Variants in HMGN2 observed in about 807,000 individuals in gnomAD.
The protein encoded by HMGN2 is high mobility group nucleosomal binding domain 2.
In HMGN2, 2 loss-of-function variants were observed where a neutral mutation model predicts 16.9. The ratio of observed to expected loss-of-function variants is 0.12; its 90% confidence interval spans 0.05 to 0.37. The LOEUF (loss-of-function observed/expected upper bound fraction) is 0.37, where lower values mean the gene tolerates loss of function less well. HMGN2 is among the 10% of genes least tolerant of loss of function. HMGN2 has a pLI of 1.00. For missense variants in HMGN2, 90 were observed against 106.0 expected (o/e 0.85, Z 0.66); for synonymous variants, 31 against 34.9 (o/e 0.89, Z 0.39).
At chr1:26,472,744 GC>G (rs2075579392) in intron 1 of HMGN2, 117 bp downstream of exon 1, 1 of 924,122 alleles carries the variant, frequency 1.1e-6, no homozygotes, top group Non-Finnish European at 1.6e-6. Flanking sequence ...GCCTCCCCGC[GC>G]GGGGGCTGGA....
At chr1:26,474,165 T>C in intron 4 of HMGN2, 30 bp downstream of exon 4, 2 of 1,543,124 alleles carry the variant, frequency 1.3e-6, no homozygotes, top group Non-Finnish European at 8.9e-7. Context: ...CTGATCATTT[T>C]CACAGAATGA....
intron 1 of HMGN2, chr1:26,473,259 C>T: frequency 1.8e-6 from 1 of 564,726 alleles, no homozygotes; most frequent in South Asian, 2.2e-5. Flanking sequence ...GCGGGCTCCG[C>T]TGCCCTCCCC....
intron 3 of HMGN2, 92 bp downstream of exon 3, chr1:26,473,824 G>C (rs113532604): frequency 6.8e-6 from 9 of 1,322,812 alleles, no homozygotes; most frequent in African/African-American, 4.4e-5. Context: ...TATGGTTAGT[G>C]CCTGGTTTTG....
In HMGN2 at chr1:26,473,468, T is replaced by A. The variant is rs2075589243; in HGVS notation, c.16-15T>A. 5.0e-6 allele frequency: 8 copies of A among 1,606,410 alleles called. No individual in the cohort carries two copies. The highest frequency in any genetic ancestry group is 6.8e-6 in the Non-Finnish European group (8 of 1,173,334). Reference sequence around the variant, plus strand: ...CACCTCAAAATCTGCAGTTTTTTGTTCTTGTTTCTTATAGGCTGAAGGGGA... The same window carrying A: ...CACCTCAAAATCTGCAGTTTTTTGTACTTGTTTCTTATAGGCTGAAGGGGA... On this transcript the variant is annotated splice_polypyrimidine_tract_variant and intron_variant, in intron 1 of 5. Coordinates refer to ENST00000361427, the MANE Select transcript of HMGN2 (RefSeq NM_005517.4).
rs1397766083 is a variant in HMGN2, at chr1:26,475,751, T to C, written c.*603T>C. 1 of 333,354 alleles carries C rather than the reference T, an allele frequency of 3.0e-6. No homozygotes were observed. The highest frequency in any genetic ancestry group is 5.9e-6 in the Non-Finnish European group (1 of 170,018). 20.6% of individuals were successfully genotyped at this position (333,354 alleles called of 1,614,324 possible). The stretch of plus-strand genomic sequence containing the variant: ...AAAAGTTGTTAAACAACATGCTAAA[T>C]GTGAAATGTCAACCCTCACTCTAAA... On this transcript the variant is annotated 3_prime_UTR_variant, in exon 6 of 6. Transcript: ENST00000361427.
rs1030264337 is a variant in HMGN2 at position 26,473,826 on chromosome 1, C to T, written c.90+94C>T. The T allele has an allele frequency of 3.0e-6, 4 of 1,314,888 alleles. No homozygotes were observed. The African/African-American group carries it at 4.4e-5, about 14-fold the overall frequency. The allele number at this position is 1,314,888 out of a possible 1,614,324, so 81.5% of individuals were successfully genotyped here. On this transcript the variant is annotated intron_variant, in intron 3 of 5. Transcript: ENST00000361427. ...TGCTTCCATGAATTATGGTTAGTGC[C>T]TGGTTTTGAATCATTGCCTCTACTT...
intron 5 of HMGN2, 85 bp downstream of exon 5, chr1:26,474,752 C>A: frequency 1.4e-6 from 1 of 725,196 alleles, no homozygotes; most frequent in Non-Finnish European, 2.5e-6. Context: ...TTTCTTGTAT[C>A]ACTCCAAATG....
chr1:26,474,100 A>C lies in HMGN2; in HGVS notation c.106A>C (p.Lys36Gln), dbSNP rs759413790. 1.9e-6 allele frequency: 3 copies of C among 1,611,428 alleles called. No individual in the cohort carries two copies. The highest frequency in any genetic ancestry group is 1.3e-5 in the African/African-American group (1 of 74,534). The change falls in exon 4 of 6, where the codon AAG (lysine) becomes CAG (glutamine). Residue 36 changes from lysine (K) to glutamine (Q), a missense_variant. Transcript: ENST00000361427. ...ARLSAKPAPP[K>Q]PEPKPKKAPA... ...CCAAAAAAAGAAACCTGCTCCTCCA[A>C]AGCCAGAGCCCAAGCCTAAAAAGGC...
Position 26,475,995 on chromosome 1 carries a change from C to T in HMGN2, c.*847C>T, listed in dbSNP as rs1197858645. 3.4e-6 allele frequency: 1 copy of T among 297,526 alleles called. No individual in the cohort carries two copies. Among genetic ancestry groups the T allele is most frequent in the Non-Finnish European group, 6.5e-6 (1 of 153,002 alleles). The allele number at this position is 297,526 out of a possible 1,614,324, so 18.4% of individuals were successfully genotyped here. ...GAATGCTGCCTCTGATCTTTTCCCACAAGTGGGGTAACCTGGTTTATCCAA... is the reference window on the plus strand; with the variant it reads ...GAATGCTGCCTCTGATCTTTTCCCATAAGTGGGGTAACCTGGTTTATCCAA... On this transcript the variant is annotated 3_prime_UTR_variant, in exon 6 of 6. Transcript: ENST00000361427.
chr1:26,472,777 G>C (rs2075579606), intron 1 of HMGN2, 150 bp downstream of exon 1: 1 of 692,852 alleles, frequency 1.4e-6, no homozygotes, highest in Non-Finnish European at 2.2e-6. Context: ...GCAGCTCGGG[G>C]CTAACCCTGA....
At chr1:26,474,547 A>C (rs2075595710) in intron 4 of HMGN2, 25 bp from the exon 5 acceptor site, 1 of 1,085,732 alleles carries the variant, frequency 9.2e-7, no homozygotes, top group African/African-American at 1.5e-5. Flanking sequence ...GGGGAGAAAC[A>C]GTTCTATTTT....
At position 26,473,524 on chromosome 1, in the gene HMGN2, C is replaced by T. The variant is rs763456866; in HGVS notation, c.57C>T (p.Asp19=). Residue 19 remains aspartate, a synonymous_variant, in exon 2 of 6, where the codon GAC becomes GAT. Transcript: ENST00000361427. ...AGGGAGATAAAGCAAAGGTGAAGGA[C>T]GAAGTAAGTCATTCTCTCTTCAAGG... ...DAKGDKAKVK[D]EPQRRSARLS... is the part of the protein sequence containing the mutation. 3.7e-6 allele frequency: 6 copies of T among 1,611,522 alleles called. No individual in the cohort carries two copies. In the Admixed American group the frequency reaches 5.0e-5, roughly 13 times the overall value.
chr1:26,474,063 C>T (rs776699732), intron 3 of HMGN2, 22 bp from the exon 4 acceptor site: 28 of 1,601,700 alleles, frequency 1.7e-5, no homozygotes, highest in African/African-American at 9.5e-5. Flanking sequence ...TTCACTTTTT[C>T]CTCTCTTCCT....
At position 26,472,473 on chromosome 1, in the gene HMGN2, C is replaced by T; in HGVS notation, c.-140C>T. On this transcript the variant is annotated 5_prime_UTR_variant, in exon 1 of 6. Coordinates refer to ENST00000361427, the MANE Select transcript of HMGN2 (RefSeq NM_005517.4). ...GTTCTAACCGGTCCGGGGCTCCCAG[C>T]GCTATAAAAACTTTATAAACCCCCC... is the stretch of plus-strand genomic sequence containing the variant. 2 of 1,034,482 alleles carry T rather than the reference C, an allele frequency of 1.9e-6. No individual in the cohort carries two copies. The highest frequency in any genetic ancestry group is 1.4e-5 in the South Asian group (1 of 73,664). 64.1% of individuals were successfully genotyped at this position (1,034,482 alleles called of 1,614,324 possible). A position where few individuals can be genotyped will look rare whatever the true frequency, so the allele number is the denominator to read the frequency against.
At chr1:26,473,550 G>A (rs1264950592) in intron 2 of HMGN2, 23 bp downstream of exon 2, 5 of 1,599,432 alleles carry the variant, frequency 3.1e-6, no homozygotes, top group Non-Finnish European at 4.3e-6. Flanking sequence ...CTCTTCAAGG[G>A]TCAAAGCCTT....
At position 26,472,580 on chromosome 1, in the gene HMGN2, C is replaced by A; in HGVS notation, c.-33C>A. On this transcript the variant is annotated 5_prime_UTR_variant, in exon 1 of 6. Coordinates refer to ENST00000361427, the MANE Select transcript of HMGN2 (RefSeq NM_005517.4). ...GCGCGCCGCTGCATCCCGCGTCCAG[C>A]ACCTACGTCCCGCTGCCGTCGCCGC... 1 of 1,536,004 alleles carries A rather than the reference C, an allele frequency of 6.5e-7. No individual in the cohort carries two copies. Among genetic ancestry groups the A allele is most frequent in the East Asian group, 2.4e-5 (1 of 41,034 alleles).
intron 4 of HMGN2, 112 bp downstream of exon 4, chr1:26,474,247 A>T: frequency 1.3e-6 from 1 of 749,188 alleles, no homozygotes; most frequent in Non-Finnish European, 2.2e-6. Context: ...AACTGTGTGG[A>T]TAGCTTACCT....
At chr1:26,473,194 C>T (rs946437356) in intron 1 of HMGN2, 21 of 433,630 alleles carry the variant, frequency 4.8e-5, no homozygotes, top group Non-Finnish European at 4.5e-5. Context: ...GCTCCGCCTC[C>T]GGAGGGGGTT....
Position 26,472,754 on chromosome 1 carries a change from G to C in HMGN2, c.15+127G>C, listed in dbSNP as rs1208058408. 1.1e-5 allele frequency: 9 copies of C among 852,254 alleles called. No individual in the cohort carries two copies. The African/African-American group carries it at 1.6e-4, about 15-fold the overall frequency. The allele number at this position is 852,254 out of a possible 1,614,324, so 52.8% of individuals were successfully genotyped here. A position where few individuals can be genotyped will look rare whatever the true frequency, so the allele number is the denominator to read the frequency against. ...GCGCAGCCTCCCCGCGCGGGGGCTGGAGACGGTGTCGGGCAGCTCGGGGCT... is the reference window on the plus strand; with the variant it reads ...GCGCAGCCTCCCCGCGCGGGGGCTGCAGACGGTGTCGGGCAGCTCGGGGCT... On this transcript the variant is annotated intron_variant, in intron 1 of 5. Coordinates refer to ENST00000361427, the MANE Select transcript of HMGN2 (RefSeq NM_005517.4).
Sources: allele counts gnomAD v4.1 joint callset, GRCh38; gene constraint gnomAD v4.1.1; transcripts MANE v1.5; gene names NCBI Gene and HGNC (gene_info 2026-07-23, HGNC 2026-07-21).